The following SORCS1 variants were observed in gnomAD, a reference collection of about 807,000 sequenced individuals.
The protein encoded by SORCS1 is sortilin related VPS10 domain containing receptor 1.
In SORCS1, 60 loss-of-function variants were observed where a neutral mutation model predicts 146.1. The observed-to-expected ratio is 0.41, with a 90% confidence interval of 0.33 to 0.51. The LOEUF is 0.51. SORCS1 is among the 20% of genes least tolerant of loss of function. The pLI is 0.21. For missense variants in SORCS1, 1,352 were observed against 1,487.6 expected, an observed-to-expected ratio of 0.91 and a Z score of 1.50; for synonymous variants, 637 against 584.0, an observed-to-expected ratio of 1.09 and a Z score of -1.31.
chr10:106,884,627 C>T (rs532696623), intron 2 of SORCS1, among the ~76,000 whole-genome samples: 1 of 152,224 alleles, frequency 6.6e-6, no homozygotes, highest in Admixed American at 6.5e-5. Flanking sequence ...TCAGTTAAAG[C>T]CCATACCAGA....
intron 2 of SORCS1, among the ~76,000 whole-genome samples, chr10:106,862,780 CAAAAAAAAAA>C (rs58654489): frequency 2.0e-4 from 12 of 60,242 alleles, no homozygotes; most frequent in South Asian, 7.2e-4. Context: ...CCTGTCTCTA[CAAAAAAAAAA>C]AAAAAAAAAA....
chr10:106,883,484 G>T (rs551269294), intron 2 of SORCS1, among the ~76,000 whole-genome samples: 1 of 150,016 alleles, frequency 6.7e-6, no homozygotes, highest in Non-Finnish European at 1.5e-5. Flanking sequence ...GCACGATCTC[G>T]GCTCACTGCA....
intron 1 of SORCS1, among the ~76,000 whole-genome samples, chr10:107,026,913 G>A (rs1564942723): frequency 6.6e-6 from 1 of 151,562 alleles, no homozygotes; most frequent in Admixed American, 6.6e-5. Context: ...TCAAATATGA[G>A]AGCATTGCTT....
chr10:106,868,911 T>C (rs996263887), intron 2 of SORCS1, among the ~76,000 whole-genome samples: 1 of 152,130 alleles, frequency 6.6e-6, no homozygotes, highest in African/African-American at 2.4e-5. Context: ...AGTTTGTTTT[T>C]TGAAAACATT....
chr10:106,720,872 C>T (rs902247435), intron 6 of SORCS1, among the ~76,000 whole-genome samples: 3 of 151,750 alleles, frequency 2.0e-5, no homozygotes, highest in African/African-American at 7.3e-5. Flanking sequence ...TGAAAGCTGC[C>T]CAGCTGAGCC....
chr10:107,134,707 G>C (rs1442332275), intron 1 of SORCS1, among the ~76,000 whole-genome samples: 1 of 152,186 alleles, frequency 6.6e-6, no homozygotes, highest in Non-Finnish European at 1.5e-5. Flanking sequence ...GTAAGGGTTG[G>C]GGTGGGATGA....
At chr10:106,661,388 C>T (rs1258223716) in intron 17 of SORCS1, among the ~76,000 whole-genome samples, 1 of 152,156 alleles carries the variant, frequency 6.6e-6, no homozygotes, top group South Asian at 2.1e-4. Flanking sequence ...ACTTTATGAG[C>T]CGCATAGGTT....
chr10:106,788,481 T>C (rs1946162138), intron 3 of SORCS1, among the ~76,000 whole-genome samples: 1 of 152,046 alleles, frequency 6.6e-6, no homozygotes, highest in African/African-American at 2.4e-5. Flanking sequence ...CAAAATACAA[T>C]GGAGGTACAG....
intron 1 of SORCS1, among the ~76,000 whole-genome samples, chr10:107,008,551 T>G (rs111318058): frequency 6.6e-6 from 1 of 152,146 alleles, no homozygotes; most frequent in Non-Finnish European, 1.5e-5. Context: ...AATAAGTAGA[T>G]TGATGAATAG....
intron 3 of SORCS1, among the ~76,000 whole-genome samples, chr10:106,783,119 C>CT (rs141279383): frequency 0.24 from 36,091 of 152,086 alleles, 4,668 homozygotes; most frequent in Non-Finnish European, 0.29. Flanking sequence ...TCATTAAATC[C>CT]TTTTTTTGAG....
chr10:106,820,513 G>A (rs903498998), intron 3 of SORCS1, among the ~76,000 whole-genome samples: 1 of 152,144 alleles, frequency 6.6e-6, no homozygotes, highest in African/African-American at 2.4e-5. Flanking sequence ...TGTTTGAATG[G>A]AAACAATTTA....
intron 8 of SORCS1, among the ~76,000 whole-genome samples, chr10:106,705,360 T>C (rs1854443267): frequency 1.3e-5 from 2 of 152,142 alleles, no homozygotes; most frequent in Non-Finnish European, 2.9e-5. Flanking sequence ...AGAAAGAGAA[T>C]TCATCCTGGA....
At chr10:107,064,956 G>A (rs1031443700) in intron 1 of SORCS1, among the ~76,000 whole-genome samples, 3 of 152,162 alleles carry the variant, frequency 2.0e-5, no homozygotes, top group Non-Finnish European at 4.4e-5. Flanking sequence ...AAGCAGAGTA[G>A]AGAACCTGAG....
chr10:106,701,063 A>C (rs1854103635), intron 8 of SORCS1, among the ~76,000 whole-genome samples: 1 of 152,222 alleles, frequency 6.6e-6, no homozygotes, highest in Non-Finnish European at 1.5e-5. Flanking sequence ...TAATATTTGC[A>C]TGTAACCTAT....
chr10:106,593,305 G>C (rs1034259437), intron 24 of SORCS1, among the ~76,000 whole-genome samples: 1 of 151,832 alleles, frequency 6.6e-6, no homozygotes, highest in Non-Finnish European at 1.5e-5. Flanking sequence ...TAATCAGGTA[G>C]CTAAAGGTAA....
chr10:106,773,932 G>A (rs1589848090), intron 4 of SORCS1, among the ~76,000 whole-genome samples: 2 of 151,806 alleles, frequency 1.3e-5, no homozygotes, highest in African/African-American at 4.8e-5. Context: ...CTGGGTGACA[G>A]GGCAAGACTC....
chr10:107,021,146 G>A (rs1958111317), intron 1 of SORCS1, among the ~76,000 whole-genome samples: 1 of 152,084 alleles, frequency 6.6e-6, no homozygotes, highest in Admixed American at 6.5e-5. Context: ...TGCAAACTGT[G>A]TGTGTGTCCC....
intron 4 of SORCS1, 51 bp downstream of exon 4, chr10:106,776,483 T>A (rs758446032): frequency 6.2e-7 from 1 of 1,603,430 alleles, no homozygotes; most frequent in Admixed American, 1.7e-5. Flanking sequence ...TTAGCACTAT[T>A]TTCCCCGGAG....
At chr10:107,065,038 T>C (rs1205602276) in intron 1 of SORCS1, among the ~76,000 whole-genome samples, 2 of 152,184 alleles carry the variant, frequency 1.3e-5, no homozygotes, top group African/African-American at 4.8e-5. Flanking sequence ...GTGGATTTGC[T>C]TCTCCTCACT....
Sources: gnomAD v4.1 joint callset for allele counts (sites outside exome capture counted in the v4.1 genomes callset) on GRCh38, gnomAD v4.1.1 for gene constraint, MANE v1.5 for transcripts, NCBI Gene and HGNC (gene_info 2026-07-23, HGNC 2026-07-21) for gene names.